ZNF536: variants seen among roughly 807,000 people sequenced by gnomAD.
ZNF536 encodes the protein zinc finger protein 536.
ZNF536 carries 13 observed loss-of-function variants against 84.5 expected under a neutral mutation model. The observed-to-expected ratio is 0.15, with a 90% CI of 0.10 to 0.24. ZNF536 has a LOEUF of 0.24. Among genes scored for constraint, ZNF536 ranks in the 10% least tolerant of loss-of-function variants. The pLI, the probability that ZNF536 is intolerant of heterozygous loss-of-function variation, is 1.00. For synonymous variants in ZNF536, 811 were observed against 742.5 expected (o/e 1.09, Z -1.50); for missense variants, 1,536 against 1,747.5 (o/e 0.88, Z 2.16).
intron 1 of ZNF536, among the ~76,000 whole-genome samples, chr19:30,580,807 G>C (rs1357915131): frequency 6.6e-6 from 1 of 152,148 alleles, no homozygotes; most frequent in Non-Finnish European, 1.5e-5. Context: ...AGCAACTCCA[G>C]CTCCTGGCTG....
rs2053725328 is a variant in ZNF536, at chr19:30,473,510, C to A, written c.2170+27778C>A. ...GCAATAAATCTTAGGCTTCTGTCCA[C>A]CTTGCTGCCTATCTGTAAGTAACAA... is the stretch of plus-strand genomic sequence containing the variant. On this transcript the variant is annotated intron_variant, in intron 2 of 4. Transcript: ENST00000355537. Among the ~76,000 whole-genome samples, 5 of 152,316 alleles carry A rather than the reference C, an allele frequency of 3.3e-5. No individual in the cohort carries two copies. In the South Asian group the frequency reaches 1.0e-3, roughly 32 times the overall value.
At chr19:30,474,594 G>A (rs1034947988) in intron 2 of ZNF536, among the ~76,000 whole-genome samples, 16 of 152,060 alleles carry the variant, frequency 1.1e-4, no homozygotes, top group Non-Finnish European at 2.1e-4. Context: ...GTCAAGGGAG[G>A]ATATTACACG....
chr19:30,474,775 A>T (rs2053777938), intron 2 of ZNF536, among the ~76,000 whole-genome samples: 1 of 152,190 alleles, frequency 6.6e-6, no homozygotes, highest in South Asian at 2.1e-4. Context: ...ATATTCAGAC[A>T]GTGGACAGTG....
At chr19:30,517,388 C>A (rs189186845) in intron 2 of ZNF536, among the ~76,000 whole-genome samples, 1 of 152,134 alleles carries the variant, frequency 6.6e-6, no homozygotes, top group Non-Finnish European at 1.5e-5. Flanking sequence ...GAGATGCCTG[C>A]AGGGTGGGGG....
chr19:30,239,548 T>C (rs767357891), intron 1 of ZNF536, among the ~76,000 whole-genome samples: 2 of 152,074 alleles, frequency 1.3e-5, no homozygotes, highest in Non-Finnish European at 2.9e-5. Context: ...GACACACTTG[T>C]TGTAGTTGCA....
At chr19:30,429,135 C>T (rs534384277) in intron 1 of ZNF536, among the ~76,000 whole-genome samples, 26 of 152,218 alleles carry the variant, frequency 1.7e-4, no homozygotes, top group South Asian at 1.0e-3. Context: ...GTGGGGAGGC[C>T]GTTTGTCTTG....
At chr19:30,576,706 G>A (rs983134856) in intron 1 of ZNF536, among the ~76,000 whole-genome samples, 2 of 152,190 alleles carry the variant, frequency 1.3e-5, no homozygotes, top group Admixed American at 6.5e-5. Flanking sequence ...GGGACTGGGT[G>A]CTCACAGTGA....
chr19:30,456,209 G>A (rs905199806), intron 2 of ZNF536, among the ~76,000 whole-genome samples: 2 of 151,994 alleles, frequency 1.3e-5, no homozygotes, highest in Non-Finnish European at 2.9e-5. Context: ...ATATGCACAT[G>A]GAGGAAATGC....
At chr19:30,703,879 G>A (rs1219903166) in intron 1 of ZNF536, among the ~76,000 whole-genome samples, 2 of 152,204 alleles carry the variant, frequency 1.3e-5, no homozygotes, top group Non-Finnish European at 2.9e-5. Flanking sequence ...GGAAATGGAA[G>A]CCTTGAGTTC....
chr19:30,675,833 G>C (rs2050734502), intron 1 of ZNF536, among the ~76,000 whole-genome samples: 1 of 152,152 alleles, frequency 6.6e-6, no homozygotes, highest in Admixed American at 6.6e-5. Flanking sequence ...TCAAGAGTGA[G>C]GTCTCATGGA....
intron 4 of ZNF536, among the ~76,000 whole-genome samples, chr19:30,550,837 T>G (rs2045750099): frequency 6.6e-6 from 1 of 152,212 alleles, no homozygotes; most frequent in African/African-American, 2.4e-5. Flanking sequence ...CGAAAATCAC[T>G]AAATGGATTT....
At chr19:30,710,643 T>G (rs1028736748) in intron 1 of ZNF536, 11 of 152,232 alleles carry the variant, frequency 7.2e-5, no homozygotes, top group African/African-American at 2.4e-4. Flanking sequence ...ATTTGATTTT[T>G]GCAAAGTAAT....
chr19:30,280,405 C>T (rs910396802), intron 1 of ZNF536, among the ~76,000 whole-genome samples: 1 of 152,208 alleles, frequency 6.6e-6, no homozygotes, highest in Non-Finnish European at 1.5e-5. Flanking sequence ...CTTCCCTCCC[C>T]TACTCCCTCC....
At chr19:30,373,913 C>T (rs1600441948) in intron 1 of ZNF536, among the ~76,000 whole-genome samples, 1 of 152,192 alleles carries the variant, frequency 6.6e-6, no homozygotes, top group African/African-American at 2.4e-5. Flanking sequence ...GCACGCGGCC[C>T]GGCCCCAGCC....
At chr19:30,423,132 T>A (rs948818049) in intron 1 of ZNF536, among the ~76,000 whole-genome samples, 3 of 137,650 alleles carry the variant, frequency 2.2e-5, no homozygotes, top group African/African-American at 8.2e-5. Context: ...CATCCATCCA[T>A]CCATCCATCC....
chr19:30,247,189 C>T (rs904939989), intron 1 of ZNF536, among the ~76,000 whole-genome samples: 1 of 152,234 alleles, frequency 6.6e-6, no homozygotes, highest in African/African-American at 2.4e-5. Context: ...TATTCAAGGG[C>T]ACCCCCGGTG....
intron 2 of ZNF536, among the ~76,000 whole-genome samples, chr19:30,514,059 C>T (rs1262115302): frequency 6.6e-6 from 1 of 152,206 alleles, no homozygotes; most frequent in African/African-American, 2.4e-5. Context: ...GGTCCTGTTT[C>T]TACCTGCCTC....
intron 2 of ZNF536, among the ~76,000 whole-genome samples, chr19:30,470,438 A>G (rs2053584789): frequency 6.6e-6 from 1 of 151,248 alleles, no homozygotes; most frequent in Admixed American, 6.6e-5. Context: ...CCTTTGGTCT[A>G]GGATCTCATC....
chr19:30,610,659 A>G (rs2048072394), intron 1 of ZNF536, among the ~76,000 whole-genome samples: 1 of 152,200 alleles, frequency 6.6e-6, no homozygotes, highest in African/African-American at 2.4e-5. Context: ...CATTCCTAGA[A>G]CATACCTTCT....
Sources: allele counts gnomAD v4.1 joint callset (sites outside exome capture counted in the v4.1 genomes callset), GRCh38; gene constraint gnomAD v4.1.1; transcripts MANE v1.5; gene names NCBI Gene and HGNC (gene_info 2026-07-23, HGNC 2026-07-21).